WASL: variants seen among roughly 807,000 people sequenced by gnomAD.
WASL encodes actin nucleation-promoting factor WASL.
A neutral mutation model predicts 55.5 loss-of-function variants in WASL; 20 were observed. The ratio of observed to expected loss-of-function variants is 0.36; its 90% CI spans 0.25 to 0.52. The LOEUF (loss-of-function observed/expected upper bound fraction) is 0.52, where lower values mean the gene tolerates loss of function less well. Ranked by LOEUF, WASL falls within the 20% of genes least tolerant of loss-of-function variation. The probability of loss-of-function intolerance (pLI) is 0.92; values close to 1 mark genes in which losing one functional copy is unlikely to be tolerated. For synonymous variants in WASL, 249 were observed against 217.6 expected (o/e 1.14, Z -1.27); for missense variants, 504 against 622.5 (o/e 0.81, Z 2.03).
At chr7:123,746,034 T>C (rs1804425318) in intron 1 of WASL, among the ~76,000 whole-genome samples, 1 of 152,218 alleles carries the variant, frequency 6.6e-6, no homozygotes, top group Non-Finnish European at 1.5e-5. Context: ...ATCCTTGTTT[T>C]ACAGATGAGA....
chr7:123,727,014 GC>G, intron 1 of WASL, among the ~76,000 whole-genome samples: 1 of 151,964 alleles, frequency 6.6e-6, no homozygotes, highest in Non-Finnish European at 1.5e-5. Flanking sequence ...AAATCTATGG[GC>G]AAAAGACCTG....
At chr7:123,734,915 C>A (rs1203597570) in intron 1 of WASL, among the ~76,000 whole-genome samples, 1 of 151,924 alleles carries the variant, frequency 6.6e-6, no homozygotes, top group African/African-American at 2.4e-5. Flanking sequence ...TATATGGCAA[C>A]CCTTTGCACT....
In WASL at chr7:123,684,574, T is replaced by C; in HGVS notation, c.1463A>G (p.Asp488Gly). 3 of 1,482,164 alleles carry C rather than the reference T, an allele frequency of 2.0e-6. No individual in the cohort carries two copies. Among genetic ancestry groups the C allele is most frequent in the Non-Finnish European group, 2.8e-6 (3 of 1,090,144 alleles). The allele number at this position is 1,482,164 out of a possible 1,614,324, so 91.8% of individuals were successfully genotyped here. ...RSKAIHSSDE[D>G]EDEDDEEDFE... ...ATCTTCTTCATCATCTTCATCTTCA[T>C]CTTCATCTACAAGAAAATCAAGACA... The change falls in exon 11 of 11, where the codon GAT becomes GGT. Residue 488 changes from aspartate (D) to glycine (G), a missense_variant. Asp to Gly is a moderately conservative substitution (Grantham distance 94). This residue lies in a region of WASL where 53 missense variants were observed against 69.1 expected (regional missense o/e 0.77). Transcript: ENST00000223023.
chr7:123,696,979 A>G (rs1204316786), intron 5 of WASL, among the ~76,000 whole-genome samples: 1 of 152,106 alleles, frequency 6.6e-6, no homozygotes, highest in African/African-American at 2.4e-5. Context: ...TTTTTATGCC[A>G]TTAAATTTCA....
chr7:123,718,816 A>C (rs1478642726), intron 1 of WASL, among the ~76,000 whole-genome samples: 2 of 152,262 alleles, frequency 1.3e-5, no homozygotes, highest in African/African-American at 4.8e-5. Context: ...TCTTACTGTT[A>C]GAAAATTTTA....
intron 1 of WASL, among the ~76,000 whole-genome samples, chr7:123,723,413 G>A (rs940277820): frequency 6.6e-6 from 1 of 152,186 alleles, no homozygotes; most frequent in African/African-American, 2.4e-5. Flanking sequence ...CAATACAGTA[G>A]AGAGTAAATA....
chr7:123,702,546 C>T (rs1018743089), intron 5 of WASL, among the ~76,000 whole-genome samples: 1 of 152,108 alleles, frequency 6.6e-6, no homozygotes, highest in African/African-American at 2.4e-5. Context: ...TCCATGGATT[C>T]GACCAACTGT....
chr7:123,732,212 C>T (rs1804151462), intron 1 of WASL, among the ~76,000 whole-genome samples: 1 of 152,108 alleles, frequency 6.6e-6, no homozygotes, highest in Non-Finnish European at 1.5e-5. Context: ...CGCCTGTAGT[C>T]CCGGCTACTC....
intron 9 of WASL, among the ~76,000 whole-genome samples, chr7:123,690,465 A>C (rs2116767237): frequency 6.8e-6 from 1 of 146,476 alleles, no homozygotes; most frequent in South Asian, 2.3e-4. Flanking sequence ...TTTTCAAAAA[A>C]TAACGAACTC....
At chr7:123,706,618 C>G in intron 3 of WASL, 122 bp downstream of exon 3, 1 of 857,590 alleles carries the variant, frequency 1.2e-6, no homozygotes, top group Non-Finnish European at 1.8e-6. Flanking sequence ...ATTTCATCTT[C>G]AGCAAAAAAA....
chr7:123,741,382 T>C (rs1178611700), intron 1 of WASL, among the ~76,000 whole-genome samples: 4 of 152,188 alleles, frequency 2.6e-5, no homozygotes, highest in Non-Finnish European at 5.9e-5. Flanking sequence ...ATGTGTTGTT[T>C]CACCTAAAGT....
chr7:123,733,673 G>C (rs1356049484), intron 1 of WASL, among the ~76,000 whole-genome samples: 2 of 152,104 alleles, frequency 1.3e-5, no homozygotes, highest in African/African-American at 4.8e-5. Context: ...CAATGCTGAA[G>C]AGTAAGAGTA....
intron 10 of WASL, among the ~76,000 whole-genome samples, chr7:123,684,965 A>G (rs1189224681): frequency 1.3e-5 from 2 of 151,900 alleles, no homozygotes; most frequent in Non-Finnish European, 2.9e-5. Context: ...TTCCTGCTCC[A>G]TCCTGGTCTG....
intron 8 of WASL, 138 bp from the exon 9 acceptor site, chr7:123,693,005 G>T: frequency 8.5e-7 from 1 of 1,171,448 alleles, no homozygotes; most frequent in Non-Finnish European, 1.1e-6. Context: ...ATTTTACAAA[G>T]ATACCTGAGC....
chr7:123,720,332 A>C, intron 1 of WASL: 1 of 442,056 alleles, frequency 2.3e-6, no homozygotes, highest in Non-Finnish European at 4.5e-6. Context: ...CAAATAGGAT[A>C]CCATACAGCT....
chr7:123,728,509 A>G (rs1804087861), intron 1 of WASL, among the ~76,000 whole-genome samples: 1 of 152,178 alleles, frequency 6.6e-6, no homozygotes, highest in African/African-American at 2.4e-5. Flanking sequence ...GTCCACTGAT[A>G]ATGGTATATA....
chr7:123,733,807 C>T (rs1804180152), intron 1 of WASL, among the ~76,000 whole-genome samples: 1 of 151,034 alleles, frequency 6.6e-6, no homozygotes, highest in Non-Finnish European at 1.5e-5. Flanking sequence ...GAAGTAGACC[C>T]ATACAAATGC....
intron 1 of WASL, among the ~76,000 whole-genome samples, chr7:123,729,983 A>G (rs1804111848): frequency 1.3e-5 from 2 of 152,176 alleles, no homozygotes; most frequent in Non-Finnish European, 2.9e-5. Context: ...CCAGTGGAAG[A>G]AAAAAGTTAA....
At chr7:123,738,180 C>G (rs1029942143) in intron 1 of WASL, among the ~76,000 whole-genome samples, 1 of 140,354 alleles carries the variant, frequency 7.1e-6, no homozygotes, top group African/African-American at 2.6e-5. Flanking sequence ...GTTAATTACA[C>G]ATAAATATAA....
Sources: gnomAD v4.1 joint callset for allele counts (sites outside exome capture counted in the v4.1 genomes callset) on GRCh38, gnomAD v4.1.1 for gene constraint, gnomAD v4.1.1 regional missense constraint, MANE v1.5 for transcripts, NCBI Gene and HGNC (gene_info 2026-07-23, HGNC 2026-07-21) for gene names.